The following HS3ST4 variants were observed in gnomAD, a reference collection of about 807,000 sequenced individuals.
HS3ST4 encodes heparan sulfate-glucosamine 3-sulfotransferase 4.
HS3ST4 carries 17 observed loss-of-function variants against 29.2 expected under a neutral mutation model. The ratio of observed to expected loss-of-function variants is 0.58; its 90% CI spans 0.40 to 0.87. HS3ST4 has a LOEUF of 0.87. HS3ST4 is among the 40% of genes least tolerant of loss of function. The probability of loss-of-function intolerance (pLI) is 0.00; values close to 1 mark genes in which losing one functional copy is unlikely to be tolerated. For missense variants in HS3ST4, 627 were observed against 634.5 expected, an observed-to-expected ratio of 0.99 and a Z score of 0.13; for synonymous variants, 314 against 285.7, an observed-to-expected ratio of 1.10 and a Z score of -1.00.
chr16:25,773,762 G>A (rs989707559), intron 1 of HS3ST4, among the ~76,000 whole-genome samples: 2 of 152,200 alleles, frequency 1.3e-5, no homozygotes, highest in African/African-American at 4.8e-5. Context: ...ATTGTACATT[G>A]TACCCAATAG....
intron 1 of HS3ST4, among the ~76,000 whole-genome samples, chr16:25,882,494 G>A (rs964923049): frequency 3.9e-5 from 6 of 152,132 alleles, no homozygotes; most frequent in South Asian, 2.1e-4. Flanking sequence ...TTAGTTTGCC[G>A]ATGGTGGATT....
At chr16:26,029,614 T>G (rs1424519518) in intron 1 of HS3ST4, among the ~76,000 whole-genome samples, 1 of 152,206 alleles carries the variant, frequency 6.6e-6, no homozygotes, top group Non-Finnish European at 1.5e-5. Flanking sequence ...GGTTTCACCA[T>G]GTTGGCCAGG....
chr16:25,986,940 A>G (rs1567288059), intron 1 of HS3ST4, among the ~76,000 whole-genome samples: 1 of 152,216 alleles, frequency 6.6e-6, no homozygotes, highest in Non-Finnish European at 1.5e-5. Flanking sequence ...TAAGCCATAA[A>G]TCATTGATCA....
intron 1 of HS3ST4, among the ~76,000 whole-genome samples, chr16:25,717,603 G>A (rs1196865482): frequency 6.6e-6 from 1 of 151,682 alleles, no homozygotes; most frequent in African/African-American, 2.4e-5. Context: ...CTCACAGTGG[G>A]AAGGTGCATC....
At chr16:26,050,073 A>C (rs187919931) in intron 1 of HS3ST4, among the ~76,000 whole-genome samples, 418 of 152,280 alleles carry the variant, frequency 2.7e-3, no homozygotes, top group Non-Finnish European at 5.0e-3. Context: ...ATTGGTGATC[A>C]ACTTAATCTT....
chr16:26,085,214 A>G (rs893021024), intron 1 of HS3ST4, among the ~76,000 whole-genome samples: 1 of 152,202 alleles, frequency 6.6e-6, no homozygotes, highest in South Asian at 2.1e-4. Flanking sequence ...GCAACTCTGT[A>G]ATTTTGGTCA....
intron 1 of HS3ST4, among the ~76,000 whole-genome samples, chr16:26,071,213 C>T (rs1238089625): frequency 6.6e-6 from 1 of 152,100 alleles, no homozygotes; most frequent in African/African-American, 2.4e-5. Context: ...GGAGGGAGCA[C>T]ATAAAACAGA....
intron 1 of HS3ST4, among the ~76,000 whole-genome samples, chr16:25,861,468 A>G (rs1041125067): frequency 5.9e-5 from 9 of 152,228 alleles, no homozygotes; most frequent in African/African-American, 2.2e-4. Flanking sequence ...CTTAACTGTA[A>G]TATTTTATGA....
At chr16:25,703,441 C>G (rs184943627) in intron 1 of HS3ST4, among the ~76,000 whole-genome samples, 1 of 152,192 alleles carries the variant, frequency 6.6e-6, no homozygotes, top group East Asian at 1.9e-4. Flanking sequence ...ATATTACCCA[C>G]GCCTTACAGG....
chr16:25,804,642 C>A (rs890630892), intron 1 of HS3ST4, among the ~76,000 whole-genome samples: 2 of 152,010 alleles, frequency 1.3e-5, no homozygotes, highest in African/African-American at 2.4e-5. Flanking sequence ...GTTACAAGTT[C>A]TTTTCCTAGG....
At chr16:25,897,420 C>G (rs1968077836) in intron 1 of HS3ST4, among the ~76,000 whole-genome samples, 1 of 152,092 alleles carries the variant, frequency 6.6e-6, no homozygotes, top group Non-Finnish European at 1.5e-5. Context: ...CTGCTGCACT[C>G]CAGCCTGGGC....
intron 1 of HS3ST4, among the ~76,000 whole-genome samples, chr16:26,129,257 G>T (rs1188315400): frequency 6.6e-6 from 1 of 152,216 alleles, no homozygotes; most frequent in East Asian, 1.9e-4. Context: ...CAGCTTTGCA[G>T]AACACATAAT....
At position 25,865,098 on chromosome 16, in the gene HS3ST4, G is replaced by C. The variant is rs1967681386; in HGVS notation, c.734+171947G>C. 5.3e-5 allele frequency among the ~76,000 whole-genome samples: 8 copies of C among 152,138 alleles called. No homozygotes were observed. The South Asian group carries it at 1.5e-3, about 28-fold the overall frequency. On this transcript the variant is annotated intron_variant, in intron 1 of 1. Transcript: ENST00000331351. ...ATATCTTGGCTATTGGAACAATGCT[G>C]GTATGAGCATGAGAATGCAAATATG...
chr16:25,942,752 A>G (rs997008597), intron 1 of HS3ST4, among the ~76,000 whole-genome samples: 1 of 151,622 alleles, frequency 6.6e-6, no homozygotes, highest in African/African-American at 2.4e-5. Context: ...CCAATTAGCT[A>G]GGATGACAGT....
At chr16:25,992,631 A>G (rs1969124313) in intron 1 of HS3ST4, among the ~76,000 whole-genome samples, 1 of 152,244 alleles carries the variant, frequency 6.6e-6, no homozygotes, top group Non-Finnish European at 1.5e-5. Context: ...GGGAGCTCCC[A>G]GCAAGGGCTG....
intron 1 of HS3ST4, among the ~76,000 whole-genome samples, chr16:25,928,819 T>C (rs550649646): frequency 1.4e-3 from 217 of 152,270 alleles, no homozygotes; most frequent in African/African-American, 5.2e-3. Flanking sequence ...CCAGAATCGA[T>C]GCAGCCCAAG....
intron 1 of HS3ST4, chr16:25,826,080 C>A (rs1295967654): frequency 1.3e-5 from 2 of 152,204 alleles, no homozygotes; most frequent in Admixed American, 1.3e-4. Flanking sequence ...TCCAATATGA[C>A]AAACTTGAGG....
Position 25,864,675 on chromosome 16 carries a change from G to A in HS3ST4, c.734+171524G>A, listed in dbSNP as rs570150411. On this transcript the variant is annotated intron_variant, in intron 1 of 1. Coordinates refer to ENST00000331351, the MANE Select transcript of HS3ST4 (RefSeq NM_006040.3). The stretch of plus-strand genomic sequence containing the variant: ...TCTTTCTGTGCCTGACATAGTTCAC[G>A]TAATATTTTCCAGGTTCATGCATGT... Among the ~76,000 whole-genome samples the A allele has an allele frequency of 4.6e-5, 7 of 152,090 alleles. No homozygotes were observed. The East Asian group carries it at 7.7e-4, about 17-fold the overall frequency.
chr16:25,742,281 A>G (rs1966659671), intron 1 of HS3ST4, among the ~76,000 whole-genome samples: 1 of 152,176 alleles, frequency 6.6e-6, no homozygotes. Flanking sequence ...CAGAAGCTCC[A>G]TGCATTCATC....
Sources: gnomAD v4.1 joint callset for allele counts (sites outside exome capture counted in the v4.1 genomes callset) on GRCh38, gnomAD v4.1.1 for gene constraint, MANE v1.5 for transcripts, NCBI Gene and HGNC (gene_info 2026-07-23, HGNC 2026-07-21) for gene names.